The following TG variants were observed in gnomAD, a reference collection of about 807,000 sequenced individuals.
The protein encoded by TG is thyroid hormones.
A neutral mutation model predicts 324.7 loss-of-function variants in TG; 270 were observed. The observed-to-expected ratio is 0.83, with a 90% CI of 0.75 to 0.92. The LOEUF is 0.92. Among genes scored for constraint, TG ranks in the 40% least tolerant of loss-of-function variants. TG has a pLI of 0.00. For missense variants in TG, 3,591 were observed against 3,456.4 expected (o/e 1.04, Z -0.98); for synonymous variants, 1,401 against 1,327.0 (o/e 1.06, Z -1.21).
Position 133,022,108 on chromosome 8 carries a change from A to T in TG, c.6994A>T (p.Thr2332Ser). 1 of 1,614,106 alleles carries T rather than the reference A, an allele frequency of 6.2e-7. No individual in the cohort carries two copies. The highest frequency in any genetic ancestry group is 8.5e-7 in the Non-Finnish European group (1 of 1,180,030). The change falls in exon 40 of 48, where the codon ACT (threonine) becomes TCT (serine). Residue 2332 changes from threonine to serine, a missense_variant. Coordinates refer to ENST00000220616, the MANE Select transcript of TG (RefSeq NM_003235.5). ...LAAVGNLIVVTASYRVGVFGF... is the reference protein window; with the variant it reads ...LAAVGNLIVVSASYRVGVFGF... ...TGCTGTTGGCAACCTCATCGTGGTC[A>T]CTGCCAGCTACCGAGTGGGTGTCTT...
At chr8:132,990,181 T>TATATATAA (rs1491241972) in intron 35 of TG, among the ~76,000 whole-genome samples, 7 of 139,812 alleles carry the variant, frequency 5.0e-5, no homozygotes, top group African/African-American at 1.5e-4. Flanking sequence ...TATATATATA[T>TATATATAA]AATATACATG....
In TG at chr8:132,887,188, C is replaced by T. The variant is rs1029660394; in HGVS notation, c.1816C>T (p.Gln606Ter). 6.2e-7 allele frequency: 1 copy of T among 1,613,752 alleles called. No homozygotes were observed. The highest frequency in any genetic ancestry group is 8.5e-7 in the Non-Finnish European group (1 of 1,179,736). The change falls in exon 9 of 48, where the codon CAG becomes TAG. Residue 606 changes from glutamine to a stop codon, truncating the protein, a stop_gained. Coordinates refer to ENST00000220616, the MANE Select transcript of TG (RefSeq NM_003235.5). LOFTEE classifies it high-confidence loss of function. ...GDVMETVLSS[Q>*]TCEQTPERLF... ...TGTGATGGAAACGGTACTCAGCTCC[C>T]AGACCTGTGAGCAGACACCTGAAAG...
intron 30 of TG, among the ~76,000 whole-genome samples, chr8:132,967,489 G>A (rs1480194780): frequency 6.6e-6 from 1 of 152,156 alleles, no homozygotes; most frequent in Non-Finnish European, 1.5e-5. Flanking sequence ...GACTTCCTCT[G>A]AGATGGCCAT....
At chr8:132,895,439 G>C (rs961797598) in intron 11 of TG, among the ~76,000 whole-genome samples, 4 of 152,352 alleles carry the variant, frequency 2.6e-5, no homozygotes, top group African/African-American at 9.6e-5. Flanking sequence ...TCTCATGTGT[G>C]CCATCTTTGT....
intron 24 of TG, among the ~76,000 whole-genome samples, chr8:132,934,139 C>T (rs1211246485): frequency 6.6e-6 from 1 of 152,076 alleles, no homozygotes; most frequent in Non-Finnish European, 1.5e-5. Flanking sequence ...TCGACACCAG[C>T]CTGGCCAACA....
In TG at chr8:132,867,036, C is replaced by A; in HGVS notation, c.36C>A (p.Ala12=). The change falls in exon 1 of 48, where the codon GCC becomes GCA. Residue 12 remains alanine, a synonymous_variant. Transcript: ENST00000220616. ...ALVLEIFTLL[A]SICWVSANIF... is the part of the protein sequence containing the mutation. ...TCCTGGAGATCTTCACCCTGCTGGCCTCCATCTGCTGGGTGTCGGCCAATA... is the reference window on the plus strand; with the variant it reads ...TCCTGGAGATCTTCACCCTGCTGGCATCCATCTGCTGGGTGTCGGCCAATA... The A allele has an allele frequency of 6.2e-7, 1 of 1,601,960 alleles. No homozygotes were observed. Among genetic ancestry groups the A allele is most frequent in the Non-Finnish European group, 8.5e-7 (1 of 1,173,328 alleles).
At chr8:133,065,984 C>G (rs922573469) in intron 41 of TG, among the ~76,000 whole-genome samples, 1 of 151,874 alleles carries the variant, frequency 6.6e-6, no homozygotes, top group African/African-American at 2.4e-5. Context: ...AACAAGAGAG[C>G]GAGGCCAGTT....
chr8:132,977,918 GCA>G (rs1309830031), intron 34 of TG, among the ~76,000 whole-genome samples: 1 of 152,224 alleles, frequency 6.6e-6, no homozygotes, highest in African/African-American at 2.4e-5. Flanking sequence ...CACCTTGGAA[GCA>G]CAGAGGGTAG....
At chr8:132,933,708 C>G in intron 24 of TG, 32 bp downstream of exon 24, 1 of 1,594,482 alleles carries the variant, frequency 6.3e-7, no homozygotes, top group Non-Finnish European at 8.6e-7. Flanking sequence ...TGGTTCTGCT[C>G]CTCATCCGCT....
Position 133,092,932 on chromosome 8 carries a change from G to T in TG, c.7240-2112G>T, listed in dbSNP as rs149519394. 8.2e-4 allele frequency among the ~76,000 whole-genome samples: 125 copies of T among 152,244 alleles called. 1 individual carries two copies. Among genetic ancestry groups the T allele is most frequent in the Non-Finnish European group, 1.5e-3 (104 of 68,004 alleles). Reference sequence around the variant, plus strand: ...ATCTTGCAATATCAGTGTGACCCACGCCTTTAACCACTTCCTCACCATATC... The same window carrying T: ...ATCTTGCAATATCAGTGTGACCCACTCCTTTAACCACTTCCTCACCATATC... On this transcript the variant is annotated intron_variant, in intron 41 of 47. Transcript: ENST00000220616.
chr8:133,045,318 G>A (rs1839121332), intron 41 of TG, among the ~76,000 whole-genome samples: 1 of 150,230 alleles, frequency 6.7e-6, no homozygotes, highest in African/African-American at 2.5e-5. Flanking sequence ...GTGTATTATT[G>A]TGTCAAAGCA....
intron 41 of TG, among the ~76,000 whole-genome samples, chr8:133,070,737 A>G (rs978205925): frequency 2.6e-5 from 4 of 152,162 alleles, no homozygotes; most frequent in African/African-American, 9.7e-5. Context: ...ATGCTCTAAG[A>G]GCTGGGTCTG....
intron 37 of TG, among the ~76,000 whole-genome samples, chr8:133,015,342 C>T (rs900032862): frequency 1.3e-5 from 2 of 152,204 alleles, no homozygotes; most frequent in African/African-American, 2.4e-5. Context: ...ACAGGTGTCT[C>T]AACTTTCACA....
At chr8:133,074,694 T>C (rs1844598531) in intron 41 of TG, among the ~76,000 whole-genome samples, 1 of 152,208 alleles carries the variant, frequency 6.6e-6, no homozygotes, top group Admixed American at 6.5e-5. Flanking sequence ...TGCAGTGTGC[T>C]GGGCACCAGG....
At chr8:133,082,142 T>A (rs1845843798) in intron 41 of TG, among the ~76,000 whole-genome samples, 1 of 152,126 alleles carries the variant, frequency 6.6e-6, no homozygotes, top group South Asian at 2.1e-4. Context: ...GTGCTGGTGT[T>A]GGTGGTGTTG....
At chr8:133,038,527 G>A (rs1837511389) in intron 41 of TG, 1 of 1,606,388 alleles carries the variant, frequency 6.2e-7, no homozygotes, top group Non-Finnish European at 8.5e-7. Flanking sequence ...TTCTTGGCTA[G>A]TCCTCAAAGT....
intron 24 of TG, among the ~76,000 whole-genome samples, chr8:132,934,728 A>G (rs1472123159): frequency 6.6e-6 from 1 of 152,190 alleles, no homozygotes; most frequent in African/African-American, 2.4e-5. Context: ...AAAAATTCCC[A>G]CAGGAAACTC....
rs1554706022 is a variant in TG, at chr8:133,039,952, T to TGCAC, written c.7239+9930_7239+9933dup. The stretch of plus-strand genomic sequence containing the variant: ...CTCACATGTTCACAGAGCACTTGCA[T>TGCAC]GCACACACACACACACACACACACA... On this transcript the variant is annotated intron_variant, in intron 41 of 47. Transcript: ENST00000220616. 6 of 1,076,612 alleles carry TGCAC rather than the reference T, an allele frequency of 5.6e-6. No homozygotes were observed. In the African/African-American group the frequency reaches 8.9e-5, roughly 16 times the overall value. The allele number at this position is 1,076,612 out of a possible 1,614,324, so 66.7% of individuals were successfully genotyped here.
chr8:132,908,242 C>T lies in TG; in HGVS notation c.3904C>T (p.Pro1302Ser). The T allele has an allele frequency of 6.2e-7, 1 of 1,614,024 alleles. No homozygotes were observed. The highest frequency in any genetic ancestry group is 8.5e-7 in the Non-Finnish European group (1 of 1,180,004). The change falls in exon 18 of 48, where the codon CCG becomes TCG. Residue 1302 changes from proline (P) to serine (S), a missense_variant. Physicochemically the swap from Pro to Ser is moderately conservative, Grantham distance 74. Transcript: ENST00000220616. Reference sequence around the variant, plus strand: ...AGGGCACTTTCAGCTCCAGCTCCCGCCGGGCAAGATGTGCAGTGCTGACTA... The same window carrying T: ...AGGGCACTTTCAGCTCCAGCTCCCGTCGGGCAAGATGTGCAGTGCTGACTA... ...TQGHFQLQLP[P>S]GKMCSADYAD... is the part of the protein sequence containing the mutation.
Sources: allele counts gnomAD v4.1 joint callset (sites outside exome capture counted in the v4.1 genomes callset), GRCh38; gene constraint gnomAD v4.1.1; transcripts MANE v1.5; gene names NCBI Gene and HGNC (gene_info 2026-07-23, HGNC 2026-07-21).